Variants in MAPT observed in about 807,000 individuals in gnomAD.
MAPT encodes microtubule associated protein tau, also known as microtubule-associated protein tau.
In MAPT, 34 loss-of-function variants were observed where a neutral mutation model predicts 67.9. The observed-to-expected ratio is 0.50, with a 90% CI of 0.38 to 0.67. MAPT has a LOEUF of 0.67. Among genes scored for constraint, MAPT ranks in the 30% least tolerant of loss-of-function variants. The pLI is 0.00. For synonymous variants in MAPT, 456 were observed against 464.5 expected (o/e 0.98, Z 0.23); for missense variants, 881 against 1,115.2 (o/e 0.79, Z 2.99).
chr17:45,934,712 G>A (rs1005084394), intron 1 of MAPT, among the ~76,000 whole-genome samples: 5 of 152,162 alleles, frequency 3.3e-5, no homozygotes, highest in African/African-American at 9.7e-5. Flanking sequence ...GTGGTGCAGC[G>A]GATAGAACTC....
intron 6 of MAPT, 80 bp from the exon 7 acceptor site, chr17:45,989,798 A>T: frequency 7.8e-7 from 1 of 1,277,424 alleles, no homozygotes; most frequent in Non-Finnish European, 1.1e-6. Context: ...ATTTATTTTT[A>T]GTTACTGTCC....
chr17:45,972,522 G>T (rs747615468), intron 3 of MAPT, among the ~76,000 whole-genome samples: 4 of 152,162 alleles, frequency 2.6e-5, no homozygotes, highest in Admixed American at 6.5e-5. Flanking sequence ...CTTCCCATCT[G>T]TGTCAGTCAA....
At chr17:45,929,113 C>A (rs1397220453) in intron 1 of MAPT, among the ~76,000 whole-genome samples, 3 of 152,142 alleles carry the variant, frequency 2.0e-5, no homozygotes, top group African/African-American at 4.8e-5. Flanking sequence ...AAATAAACCC[C>A]AAAAAATTAA....
chr17:45,913,854 C>T (rs2064971331), intron 1 of MAPT, among the ~76,000 whole-genome samples: 1 of 152,114 alleles, frequency 6.6e-6, no homozygotes, highest in Non-Finnish European at 1.5e-5. Flanking sequence ...GGGGTTCTCT[C>T]ACTCACCATT....
rs373064273 is a variant in MAPT at position 46,024,186 on chromosome 17, C to A, written c.*15C>A. 26 of 1,609,952 alleles carry A rather than the reference C, an allele frequency of 1.6e-5. No individual in the cohort carries two copies. The highest frequency in any genetic ancestry group is 2.0e-5 in the Non-Finnish European group (24 of 1,176,622). On this transcript the variant is annotated 3_prime_UTR_variant, in exon 13 of 13. Transcript: ENST00000262410. ...AGGGTTTGTGATCAGGCCCCTGGGG[C>A]GGTCAATAATTGTGGAGAGGAGAGA...
At position 45,897,761 on chromosome 17, in the gene MAPT, G is replaced by A. The variant is rs543008879; in HGVS notation, c.-18+3075G>A. 6.6e-6 allele frequency: 1 copy of A among 150,484 alleles called. No homozygotes were observed. The highest frequency in any genetic ancestry group is 2.1e-4 in the South Asian group (1 of 4,802). 9.3% of individuals were successfully genotyped at this position (150,484 alleles called of 1,614,324 possible). A position where few individuals can be genotyped will look rare whatever the true frequency, so the allele number is the denominator to read the frequency against. ...GGTCCAGGCTGGAAGGGATGATGGG[G>A]GCTCCGACAGCGACTGCCTAGCTCA... On this transcript the variant is annotated intron_variant, in intron 1 of 12. Coordinates refer to ENST00000262410, the MANE Select transcript of MAPT (RefSeq NM_001377265.1). The surrounding 1 kb of genome is among the most constrained non-coding windows in gnomAD (Gnocchi z 5.0).
chr17:45,967,692 C>A (rs2071228766), intron 2 of MAPT, among the ~76,000 whole-genome samples: 1 of 152,056 alleles, frequency 6.6e-6, no homozygotes, highest in Non-Finnish European at 1.5e-5. Context: ...ATGCACAGAA[C>A]CAGCCCCATC....
At chr17:45,904,320 TAA>T (rs544804290) in intron 1 of MAPT, among the ~76,000 whole-genome samples, 9,536 of 67,354 alleles carry the variant, frequency 0.14, 1,327 homozygotes, top group Middle Eastern at 0.16. Flanking sequence ...AAAACATATA[TAA>T]TATATATTAT....
intron 2 of MAPT, among the ~76,000 whole-genome samples, chr17:45,967,463 T>C (rs193008441): frequency 1.3e-5 from 2 of 152,320 alleles, no homozygotes; most frequent in Admixed American, 1.3e-4. Flanking sequence ...CCTCTCCATT[T>C]GTCCAAAGCC....
intron 7 of MAPT, among the ~76,000 whole-genome samples, chr17:45,991,194 G>A (rs895824137): frequency 6.6e-6 from 1 of 152,206 alleles, no homozygotes; most frequent in Non-Finnish European, 1.5e-5. Flanking sequence ...GCTGGCCTTG[G>A]CACAACTCAT....
At chr17:45,976,235 G>T (rs2072332749) in intron 3 of MAPT, 1 of 152,312 alleles carries the variant, frequency 6.6e-6, no homozygotes, top group South Asian at 2.1e-4. Context: ...CCAAAGCAAG[G>T]CCAGCCCATC....
At chr17:45,967,970 T>G (rs1187360219) in intron 2 of MAPT, among the ~76,000 whole-genome samples, 34 of 152,034 alleles carry the variant, frequency 2.2e-4, no homozygotes, top group Non-Finnish European at 1.5e-5. Context: ...CTCACCTCCA[T>G]TCCATCCGAC....
In MAPT at chr17:45,960,417, A is replaced by G. The variant is rs554613617; in HGVS notation, c.-17-1904A>G. On this transcript the variant is annotated intron_variant, in intron 1 of 12. Transcript: ENST00000262410. ...CATAGAGGAAGAGGGGTTCAAATTT[A>G]TTCCTCAGCCAGATGGCATGTGCCG... 4.2e-4 allele frequency among the ~76,000 whole-genome samples: 64 copies of G among 152,346 alleles called. 2 individuals carry two copies. In the South Asian group the frequency reaches 0.013, roughly 31 times the overall value.
intron 12 of MAPT, among the ~76,000 whole-genome samples, chr17:46,022,265 G>A (rs1205612046): frequency 6.7e-6 from 1 of 148,850 alleles, no homozygotes; most frequent in African/African-American, 2.5e-5. Flanking sequence ...CGAGGCAGGA[G>A]AATTGCTTGA....
chr17:45,976,071 G>A (rs2072311935), intron 3 of MAPT: 1 of 152,286 alleles, frequency 6.6e-6, no homozygotes, highest in African/African-American at 2.4e-5. Flanking sequence ...CCTCACCTCT[G>A]AGGTCCTGCT....
rs1392387538 is a variant in MAPT at position 45,903,980 on chromosome 17, TTATATATTTATATATATTATATA to T, written c.-18+9296_-18+9318del. Among the ~76,000 whole-genome samples the T allele has an allele frequency of 4.4e-4, 15 of 33,840 alleles. 1 individual carries two copies. The highest frequency in any genetic ancestry group is 1.6e-3 in the African/African-American group (15 of 9,108). The allele number at this position is 33,840 out of a possible 152,430, so 22.2% of individuals were successfully genotyped here. On this transcript the variant is annotated intron_variant, in intron 1 of 12. Coordinates refer to ENST00000262410, the MANE Select transcript of MAPT (RefSeq NM_001377265.1). ...TATATTATATATTATATATTATATATTATATATTTATATATATTATATATTATATATATTATATATTATATATT... is the reference window on the plus strand; with the variant it reads ...TATATTATATATTATATATTATATATTTATATATATTATATATTATATATT...
At chr17:45,922,906 A>C (rs570564101) in intron 1 of MAPT, among the ~76,000 whole-genome samples, 1 of 152,354 alleles carries the variant, frequency 6.6e-6, no homozygotes, top group Admixed American at 6.5e-5. Flanking sequence ...GGAGTTAGCA[A>C]AGGGCAAGTC....
chr17:45,947,826 A>G (rs1315639669), intron 1 of MAPT, among the ~76,000 whole-genome samples: 1 of 151,772 alleles, frequency 6.6e-6, no homozygotes, highest in Non-Finnish European at 1.5e-5. Context: ...TCTCAAAATC[A>G]CCCCACTTCT....
At chr17:45,948,758 T>A (rs2068752706) in intron 1 of MAPT, among the ~76,000 whole-genome samples, 1 of 152,208 alleles carries the variant, frequency 6.6e-6, no homozygotes, top group South Asian at 2.1e-4. Flanking sequence ...AATGAGGTAA[T>A]AACTGGAAAT....
Sources: allele counts gnomAD v4.1 joint callset (sites outside exome capture counted in the v4.1 genomes callset), GRCh38; gene constraint gnomAD v4.1.1; non-coding constraint Gnocchi (gnomAD v3.1); transcripts MANE v1.5; gene names NCBI Gene and HGNC (gene_info 2026-07-23, HGNC 2026-07-21).